The following ZNF695 variants were observed in gnomAD, a reference collection of about 807,000 sequenced individuals.
ZNF695 encodes the protein zinc finger protein 695, also known as zinc finger protein SBZF3.
ZNF695 carries 11 observed loss-of-function variants against 11.2 expected under a neutral mutation model. That is an observed-to-expected ratio of 0.98 (90% CI 0.62 to 1.62). The LOEUF is 1.62. Among genes scored for constraint, ZNF695 ranks in the 40% most tolerant of loss-of-function variants. ZNF695 has a pLI of 0.00. For synonymous variants in ZNF695, 190 were observed against 201.4 expected (o/e 0.94, Z 0.48); for missense variants, 559 against 590.5 (o/e 0.95, Z 0.55).
At chr1:247,001,951 A>T (rs1335281569) in intron 1 of ZNF695, among the ~76,000 whole-genome samples, 1 of 152,134 alleles carries the variant, frequency 6.6e-6, no homozygotes, top group Non-Finnish European at 1.5e-5. Context: ...GAAAACTAAC[A>T]AAGATAGGGA....
intron 5 of ZNF695, among the ~76,000 whole-genome samples, chr1:246,962,696 C>CTTTT (rs1380105431): frequency 2.1e-5 from 3 of 143,916 alleles, no homozygotes; most frequent in Admixed American, 7.0e-5. Context: ...TGAAACCTTT[C>CTTTT]TTTTTTTTTT....
chr1:246,985,916 C>A lies in ZNF695; in HGVS notation c.*1051G>T. Reference sequence around the variant, plus strand: ...CACCCGAATATAGAAGAAACTCTCACAGCTTTCATGTAGCAACAGTAGGCC... The same window carrying A: ...CACCCGAATATAGAAGAAACTCTCAAAGCTTTCATGTAGCAACAGTAGGCC... On this transcript the variant is annotated 3_prime_UTR_variant, in exon 4 of 4. Transcript: ENST00000339986. 1 of 985,460 alleles carries A rather than the reference C, an allele frequency of 1.0e-6. No homozygotes were observed. 61.0% of individuals were successfully genotyped at this position (985,460 alleles called of 1,614,324 possible).
At chr1:246,991,778 C>G (rs1178429926) in intron 3 of ZNF695, among the ~76,000 whole-genome samples, 1 of 151,994 alleles carries the variant, frequency 6.6e-6, no homozygotes, top group Non-Finnish European at 1.5e-5. Flanking sequence ...ATGTATAGGC[C>G]AAAGAAAGGA....
Position 246,985,402 on chromosome 1 carries a change from G to A in ZNF695, c.*1565C>T. The A allele has an allele frequency of 1.0e-6, 1 of 985,280 alleles. No individual in the cohort carries two copies. The highest frequency in any genetic ancestry group is 1.2e-6 in the Non-Finnish European group (1 of 829,864). The allele number at this position is 985,280 out of a possible 1,614,324, so 61.0% of individuals were successfully genotyped here. On this transcript the variant is annotated 3_prime_UTR_variant, in exon 4 of 4. Coordinates refer to ENST00000339986, the MANE Select transcript of ZNF695 (RefSeq NM_020394.5). ...TACAAAAAGAGCAAACAGAATGAAG[G>A]TGTAACGTGTGGGAACAATATTTTT...
chr1:246,952,549 CTT>C lies in ZNF695; in HGVS notation c.489-6724_489-6723del, dbSNP rs11326820. Among the ~76,000 whole-genome samples, 978 of 137,282 alleles carry C rather than the reference CTT, an allele frequency of 7.1e-3. 5 individuals carry two copies. The highest frequency in any genetic ancestry group is 0.02 in the South Asian group (87 of 4,352). 90.1% of individuals were successfully genotyped at this position (137,282 alleles called of 152,430 possible). ...AAATAATGTTATGCTTCTTCTTCTT[CTT>C]TTTTTTTTTTTTTGAGGCAGGGTCT... On this transcript the variant is annotated intron_variant, in intron 5 of 5. Transcript: ENST00000487338.
At position 246,987,611 on chromosome 1, in the gene ZNF695, C is replaced by T. The variant is rs1179719937; in HGVS notation, c.904G>A (p.Gly302Ser). 3 of 1,602,002 alleles carry T rather than the reference C, an allele frequency of 1.9e-6. No homozygotes were observed. Among genetic ancestry groups the T allele is most frequent in the South Asian group, 1.1e-5 (1 of 88,678 alleles). ...TATGGGAACAACTTAAAGGATTTGC[C>T]ACATTCTTCACATTTGTATGGTTTC... ...GEKPYKCEEC[G>S]KSFKLFPYLT... Residue 302 changes from glycine to serine, a missense_variant, in exon 4 of 4, where the codon GGC becomes AGC. Physicochemically the swap from Gly to Ser is moderately conservative, Grantham distance 56 (BLOSUM62 0). Coordinates refer to ENST00000339986, the MANE Select transcript of ZNF695 (RefSeq NM_020394.5).
chr1:246,998,114 A>C (rs895034641), intron 3 of ZNF695, among the ~76,000 whole-genome samples: 2 of 152,252 alleles, frequency 1.3e-5, no homozygotes, highest in African/African-American at 4.8e-5. Flanking sequence ...CACTAGATAC[A>C]GATATCAAAC....
exon 6 of ZNF695, chr1:246,945,712 G>A (rs2642982): frequency 6.9e-7 from 1 of 1,445,678 alleles, no homozygotes; most frequent in South Asian, 1.2e-5. Context: ...TCGGGCTGAC[G>A]CAGCTGGACC....
chr1:246,953,436 G>T (rs972424735), intron 5 of ZNF695, among the ~76,000 whole-genome samples: 3 of 151,702 alleles, frequency 2.0e-5, no homozygotes, highest in South Asian at 4.2e-4. Context: ...GTGATACCCC[G>T]CATCTAGTAA....
At position 246,986,076 on chromosome 1, in the gene ZNF695, A is replaced by T; in HGVS notation, c.*891T>A. The T allele has an allele frequency of 4.1e-6, 4 of 964,438 alleles. No individual in the cohort carries two copies. Among genetic ancestry groups the T allele is most frequent in the Non-Finnish European group, 4.9e-6 (4 of 810,832 alleles). The allele number at this position is 964,438 out of a possible 1,614,324, so 59.7% of individuals were successfully genotyped here. On this transcript the variant is annotated 3_prime_UTR_variant, in exon 4 of 4. Transcript: ENST00000339986. ...GAGTATACTTTATTATTATGTTGTTATTATTATTATTGAGAAAGGGTCTTG... is the reference window on the plus strand; with the variant it reads ...GAGTATACTTTATTATTATGTTGTTTTTATTATTATTGAGAAAGGGTCTTG...
chr1:246,952,316 A>G (rs1667887923), intron 5 of ZNF695, among the ~76,000 whole-genome samples: 1 of 152,142 alleles, frequency 6.6e-6, no homozygotes, highest in Non-Finnish European at 1.5e-5. Flanking sequence ...GATAATTTCA[A>G]ATTTTCTTTA....
chr1:246,964,474 C>T (rs545304496), intron 5 of ZNF695, among the ~76,000 whole-genome samples: 3 of 152,352 alleles, frequency 2.0e-5, no homozygotes, highest in East Asian at 3.9e-4. Context: ...CCTAACGCCC[C>T]TATTACTCAG....
intron 3 of ZNF695, among the ~76,000 whole-genome samples, chr1:246,992,316 G>A (rs1383425729): frequency 6.6e-6 from 1 of 152,048 alleles, no homozygotes; most frequent in Non-Finnish European, 1.5e-5. Context: ...AACATTACAT[G>A]CTCTCACTTA....
intron 5 of ZNF695, among the ~76,000 whole-genome samples, chr1:246,953,602 A>G (rs1667919771): frequency 6.6e-6 from 1 of 150,410 alleles, no homozygotes; most frequent in South Asian, 2.1e-4. Context: ...ACAGAGCAAG[A>G]CTCCATCTCA....
rs114114059 is a variant in ZNF695 at position 246,961,414 on chromosome 1, G to A, written c.488+6281C>T. On this transcript the variant is annotated intron_variant, in intron 5 of 5. Transcript: ENST00000487338. ...AAATCTTCTGCCTCCCACAGTGCCT[G>A]TTCTTAAATCCTAAGCCCCATTATT... Among the ~76,000 whole-genome samples the A allele has an allele frequency of 1.8e-3, 279 of 152,300 alleles. 1 individual carries two copies. Among genetic ancestry groups the A allele is most frequent in the Non-Finnish European group, 3.0e-3 (205 of 68,012 alleles).
intron 3 of ZNF695, among the ~76,000 whole-genome samples, chr1:246,991,082 G>A (rs571366781): frequency 3.9e-5 from 6 of 151,976 alleles, no homozygotes; most frequent in South Asian, 2.1e-4. Context: ...CCCAAAATTA[G>A]TAGAAGAAAA....
chr1:246,999,490 AC>A (rs1669303242), intron 2 of ZNF695, 50 bp from the exon 3 acceptor site: 2 of 1,406,874 alleles, frequency 1.4e-6, no homozygotes, highest in African/African-American at 2.8e-5. Context: ...TTCTTTAATC[AC>A]CTTTTACTAT....
At chr1:247,005,449 T>C (rs1253569532) in intron 1 of ZNF695, among the ~76,000 whole-genome samples, 1 of 152,126 alleles carries the variant, frequency 6.6e-6, no homozygotes, top group Admixed American at 6.6e-5. Context: ...CTCAGCACTG[T>C]GGGAGGCCAA....
chr1:246,992,415 G>A (rs1000136358), intron 3 of ZNF695, among the ~76,000 whole-genome samples: 50 of 152,120 alleles, frequency 3.3e-4, no homozygotes, highest in African/African-American at 1.2e-3. Flanking sequence ...GTGGGTGAGT[G>A]GGTGGGGGAG....
Sources: gnomAD v4.1 joint callset for allele counts (sites outside exome capture counted in the v4.1 genomes callset) on GRCh38, gnomAD v4.1.1 for gene constraint, MANE v1.5 for transcripts, NCBI Gene and HGNC (gene_info 2026-07-23, HGNC 2026-07-21) for gene names.